The following MAGI2 variants were observed in gnomAD, a reference collection of about 807,000 sequenced individuals.
The protein encoded by MAGI2 is membrane associated guanylate kinase, WW and PDZ domain containing 2.
A neutral mutation model predicts 133.3 loss-of-function variants in MAGI2; 35 were observed. The ratio of observed to expected loss-of-function variants is 0.26; its 90% confidence interval spans 0.20 to 0.35. The LOEUF is 0.35. Ranked by LOEUF, MAGI2 falls within the 10% of genes least tolerant of loss-of-function variation. The pLI is 1.00. For synonymous variants in MAGI2, 729 were observed against 710.6 expected (o/e 1.03, Z -0.41); for missense variants, 1,636 against 1,863.4 (o/e 0.88, Z 2.25).
intron 1 of MAGI2, among the ~76,000 whole-genome samples, chr7:79,090,003 A>T (rs983277273): frequency 2.2e-4 from 33 of 150,432 alleles, no homozygotes; most frequent in African/African-American, 7.7e-4. Flanking sequence ...AAAGTATAAT[A>T]AAAAAAAAGA....
chr7:78,928,567 C>T (rs1274280995), intron 2 of MAGI2, among the ~76,000 whole-genome samples: 1 of 152,038 alleles, frequency 6.6e-6, no homozygotes. Flanking sequence ...TCTAAAGATG[C>T]TTGTACTTCT....
chr7:78,832,624 C>G (rs1015917439), intron 2 of MAGI2, among the ~76,000 whole-genome samples: 4 of 152,070 alleles, frequency 2.6e-5, no homozygotes, highest in African/African-American at 7.2e-5. Context: ...CAGGGAGGAC[C>G]TGCATAATCT....
intron 9 of MAGI2, among the ~76,000 whole-genome samples, chr7:78,340,600 T>A (rs773253860): frequency 1.3e-5 from 2 of 152,192 alleles, no homozygotes; most frequent in Admixed American, 6.5e-5. Flanking sequence ...TCAAAAAGCT[T>A]TTCCATCACA....
chr7:78,385,372 T>C (rs1795285763), intron 6 of MAGI2, among the ~76,000 whole-genome samples: 1 of 152,132 alleles, frequency 6.6e-6, no homozygotes, highest in Non-Finnish European at 1.5e-5. Context: ...AGATAATATA[T>C]AATTTTCAGC....
At chr7:78,089,996 T>G (rs1817024885) in intron 20 of MAGI2, among the ~76,000 whole-genome samples, 1 of 152,200 alleles carries the variant, frequency 6.6e-6, no homozygotes, top group African/African-American at 2.4e-5. Context: ...TTGTGTTTAG[T>G]CTGGCCCACT....
chr7:78,739,949 G>A (rs1464448878), intron 2 of MAGI2, among the ~76,000 whole-genome samples: 2 of 152,084 alleles, frequency 1.3e-5, no homozygotes, highest in Admixed American at 1.3e-4. Flanking sequence ...ACGACGTCAG[G>A]AGATCAAGAC....
At chr7:78,173,538 AAAGT>A (rs1357294119) in intron 14 of MAGI2, among the ~76,000 whole-genome samples, 1 of 152,248 alleles carries the variant, frequency 6.6e-6, no homozygotes, top group Non-Finnish European at 1.5e-5. Flanking sequence ...AGACTCTATT[AAAGT>A]AAGTATCATA....
intron 2 of MAGI2, among the ~76,000 whole-genome samples, chr7:78,906,375 C>T (rs975468076): frequency 1.2e-4 from 19 of 152,174 alleles, no homozygotes; most frequent in Admixed American, 4.6e-4. Context: ...CTGAAACTTT[C>T]ACTGTCTTTG....
chr7:79,185,094 C>A (rs2024254), intron 1 of MAGI2, among the ~76,000 whole-genome samples: 124,023 of 151,728 alleles, frequency 0.82, 51,182 homozygotes, highest in Non-Finnish European at 0.86. Flanking sequence ...GAGACAAGTA[C>A]TCTGAGTGGA....
At chr7:78,519,506 A>G (rs983412852) in intron 4 of MAGI2, among the ~76,000 whole-genome samples, 1 of 152,160 alleles carries the variant, frequency 6.6e-6, no homozygotes, top group Non-Finnish European at 1.5e-5. Flanking sequence ...ATTGTTCTCT[A>G]CTATCATCAA....
chr7:78,613,533 T>C (rs1021720947), intron 3 of MAGI2, among the ~76,000 whole-genome samples: 13 of 152,320 alleles, frequency 8.5e-5, no homozygotes, highest in African/African-American at 3.1e-4. Flanking sequence ...CACAAAGGAC[T>C]CTTGATTCTC....
chr7:78,882,086 C>CAAAAAAAA (rs771918590), intron 2 of MAGI2, among the ~76,000 whole-genome samples: 227 of 12,418 alleles, frequency 0.018, 6 homozygotes, highest in East Asian at 0.026. Context: ...ACAACAACAA[C>CAAAAAAAA]AAAAAAAAAA....
intron 3 of MAGI2, among the ~76,000 whole-genome samples, chr7:78,544,468 T>C (rs1798655627): frequency 6.6e-6 from 1 of 152,188 alleles, no homozygotes; most frequent in Non-Finnish European, 1.5e-5. Context: ...ATTTGTAAGG[T>C]GGGGATACAA....
At chr7:79,325,466 A>G (rs1313843547) in intron 1 of MAGI2, among the ~76,000 whole-genome samples, 1 of 152,162 alleles carries the variant, frequency 6.6e-6, no homozygotes. Flanking sequence ...TATTTCTCAA[A>G]TCACAACAAC....
In MAGI2 at chr7:78,256,613, G is replaced by A. The variant is rs371762374; in HGVS notation, c.1409-32C>T. The A allele has an allele frequency of 8.4e-5, 132 of 1,572,238 alleles. No homozygotes were observed. The African/African-American group carries it at 1.3e-3, about 15-fold the overall frequency. ...GAAAAAAAGAGATTGACAACATGAG[G>A]TAAGTTCAATTAACATTGACATAGA... On this transcript the variant is annotated intron_variant, in intron 9 of 21. Coordinates refer to ENST00000354212, the MANE Select transcript of MAGI2 (RefSeq NM_012301.4).
At chr7:78,265,793 C>T (rs1036482468) in intron 9 of MAGI2, among the ~76,000 whole-genome samples, 48 of 152,324 alleles carry the variant, frequency 3.2e-4, no homozygotes, top group African/African-American at 1.1e-3. Context: ...AATTGTATTC[C>T]TGAACAAGCA....
intron 1 of MAGI2, among the ~76,000 whole-genome samples, chr7:79,171,743 A>AAAAAAATAT (rs1554394139): frequency 3.4e-5 from 1 of 29,578 alleles, no homozygotes; most frequent in African/African-American, 6.2e-5. Flanking sequence ...AATAGCCAAA[A>AAAAAAATAT]ATATATATAT....
intron 6 of MAGI2, among the ~76,000 whole-genome samples, chr7:78,401,970 T>G (rs1796914922): frequency 6.6e-6 from 1 of 152,092 alleles, no homozygotes; most frequent in Admixed American, 6.6e-5. Flanking sequence ...TGTTGAGTCC[T>G]AAGTCCTATT....
intron 6 of MAGI2, among the ~76,000 whole-genome samples, chr7:78,387,419 T>C (rs893075477): frequency 6.6e-6 from 1 of 152,166 alleles, no homozygotes; most frequent in Non-Finnish European, 1.5e-5. Context: ...TTTTATTGTT[T>C]GGCAGCATCT....
Sources: allele counts gnomAD v4.1 joint callset (sites outside exome capture counted in the v4.1 genomes callset), GRCh38; gene constraint gnomAD v4.1.1; transcripts MANE v1.5; gene names NCBI Gene and HGNC (gene_info 2026-07-23, HGNC 2026-07-21).